The following TMPRSS15 variants were observed in gnomAD, a reference collection of about 807,000 sequenced individuals.
TMPRSS15 encodes the protein transmembrane serine protease 15, also known as enteropeptidase.
Under a neutral mutation model 125.3 loss-of-function variants are expected in TMPRSS15, and 128 were observed. The ratio of observed to expected loss-of-function variants is 1.02; its 90% CI spans 0.89 to 1.18. The LOEUF (loss-of-function observed/expected upper bound fraction) is 1.18. TMPRSS15 is among the 50% of genes most tolerant of loss of function. The probability of loss-of-function intolerance (pLI) is 0.00; values close to 1 mark genes in which losing one functional copy is unlikely to be tolerated. For synonymous variants in TMPRSS15, 446 were observed against 423.2 expected (o/e 1.05, Z -0.66); for missense variants, 1,283 against 1,212.7 (o/e 1.06, Z -0.86).
At chr21:18,417,959 A>G (rs892502788) in intron 1 of TMPRSS15, among the ~76,000 whole-genome samples, 3 of 152,188 alleles carry the variant, frequency 2.0e-5, no homozygotes, top group Admixed American at 2.0e-4. Context: ...TCTGTTTCAC[A>G]AGGAATTTGT....
At chr21:18,271,357 A>ATATC (rs762382183) in intron 24 of TMPRSS15, among the ~76,000 whole-genome samples, 4 of 152,292 alleles carry the variant, frequency 2.6e-5, no homozygotes, top group East Asian at 3.9e-4. Context: ...GTTTTTTTAC[A>ATATC]TATCTTCTAA....
chr21:18,364,589 AT>A (rs2075708326), intron 7 of TMPRSS15, among the ~76,000 whole-genome samples: 1 of 152,136 alleles, frequency 6.6e-6, no homozygotes. Context: ...CAGCCTAATT[AT>A]TTTGATTATC....
chr21:18,433,280 G>T (rs1311135356), intron 1 of TMPRSS15, among the ~76,000 whole-genome samples: 2 of 152,076 alleles, frequency 1.3e-5, no homozygotes, highest in Non-Finnish European at 2.9e-5. Flanking sequence ...CTCAGGAACA[G>T]CAAATTAAAA....
chr21:18,351,716 G>T (rs560491610), intron 10 of TMPRSS15, among the ~76,000 whole-genome samples: 2 of 152,142 alleles, frequency 1.3e-5, no homozygotes, highest in African/African-American at 4.8e-5. Context: ...CTTTATGGCA[G>T]TGTGAAAATG....
At chr21:18,343,798 T>C in intron 11 of TMPRSS15, 142 bp from the exon 12 acceptor site, 1 of 1,131,690 alleles carries the variant, frequency 8.8e-7, no homozygotes, top group South Asian at 1.3e-5. Context: ...TGGGGAGAGG[T>C]GTCTATCAAT....
intron 1 of TMPRSS15, among the ~76,000 whole-genome samples, chr21:18,484,888 A>C (rs1223036915): frequency 6.6e-6 from 1 of 151,804 alleles, no homozygotes; most frequent in Non-Finnish European, 1.5e-5. Flanking sequence ...AGGTTGCCTT[A>C]ACTGTCCTTA....
intron 1 of TMPRSS15, among the ~76,000 whole-genome samples, chr21:18,454,308 G>A (rs1371824466): frequency 1.3e-5 from 2 of 152,016 alleles, no homozygotes; most frequent in Non-Finnish European, 1.5e-5. Context: ...CTTCCATAAG[G>A]ATTCCAACTA....
intron 5 of TMPRSS15, among the ~76,000 whole-genome samples, chr21:18,374,479 C>CAAAAAAAAA (rs1165884199): frequency 3.3e-5 from 2 of 59,904 alleles, no homozygotes; most frequent in Non-Finnish European, 5.5e-5. Flanking sequence ...GACTCCGTCT[C>CAAAAAAAAA]AAAAAAAAAA....
chr21:18,321,420 T>C (rs1030642078), intron 16 of TMPRSS15, among the ~76,000 whole-genome samples: 7 of 141,924 alleles, frequency 4.9e-5, no homozygotes, highest in African/African-American at 1.9e-4. Flanking sequence ...TGGCGCGATC[T>C]CGGCTCACCG....
chr21:18,469,782 G>A (rs758453572), intron 1 of TMPRSS15, among the ~76,000 whole-genome samples: 3 of 152,040 alleles, frequency 2.0e-5, no homozygotes, highest in Non-Finnish European at 4.4e-5. Flanking sequence ...TATTTCTGTT[G>A]GCCATAAAAA....
At chr21:18,437,127 A>G (rs1460865270) in intron 1 of TMPRSS15, among the ~76,000 whole-genome samples, 8 of 148,556 alleles carry the variant, frequency 5.4e-5, no homozygotes, top group South Asian at 4.4e-4. Flanking sequence ...CAAAACAGAG[A>G]TATAGATCAA....
At chr21:18,313,391 C>T (rs894437702) in intron 17 of TMPRSS15, among the ~76,000 whole-genome samples, 1 of 151,080 alleles carries the variant, frequency 6.6e-6, no homozygotes, top group Non-Finnish European at 1.5e-5. Flanking sequence ...TATACACATT[C>T]TCTGTATATA....
intron 4 of TMPRSS15, chr21:18,380,508 G>A (rs1317908929): frequency 2.1e-6 from 1 of 469,502 alleles, no homozygotes; most frequent in East Asian, 7.0e-5. Context: ...TGATCACTAA[G>A]TTGTATTTTT....
intron 13 of TMPRSS15, among the ~76,000 whole-genome samples, chr21:18,339,504 A>C (rs1175626185): frequency 6.6e-6 from 1 of 152,170 alleles, no homozygotes; most frequent in Non-Finnish European, 1.5e-5. Context: ...TAGGCTCTCC[A>C]AACTGATTTG....
intron 6 of TMPRSS15, 136 bp from the exon 7 acceptor site, chr21:18,365,384 T>C (rs2147032436): frequency 2.6e-6 from 2 of 763,418 alleles, no homozygotes; most frequent in Middle Eastern, 2.3e-4. Context: ...TAAGATTTCA[T>C]GTTTGAAACC....
In TMPRSS15 at chr21:18,315,191, C is replaced by T. The variant is rs1464409157; in HGVS notation, c.1987G>A (p.Asp663Asn). The change falls in exon 17 of 25, where the codon GAC becomes AAC. Residue 663 changes from aspartate (D) to asparagine (N), a missense_variant. Coordinates refer to ENST00000284885, the MANE Select transcript of TMPRSS15 (RefSeq NM_002772.3). The stretch of plus-strand genomic sequence containing the variant: ...CCATCCTCACAGTGCAGATGACCGT[C>T]ACAGAGATTCACCAGTGGAACACAC... ...GECVPLVNLC[D>N]GHLHCEDGSD... 2.5e-6 allele frequency: 4 copies of T among 1,613,906 alleles called. No homozygotes were observed. In the South Asian group the frequency reaches 4.4e-5, roughly 18 times the overall value.
chr21:18,391,249 AAAAGTCC>A (rs1311645567), intron 3 of TMPRSS15, among the ~76,000 whole-genome samples: 2 of 152,226 alleles, frequency 1.3e-5, no homozygotes, highest in Non-Finnish European at 2.9e-5. Context: ...GCATTAATTC[AAAAGTCC>A]AAAGTCCAAA....
intron 6 of TMPRSS15, among the ~76,000 whole-genome samples, chr21:18,371,293 G>A (rs138068067): frequency 2.4e-4 from 37 of 152,220 alleles, no homozygotes; most frequent in African/African-American, 7.7e-4. Flanking sequence ...TCCATTTACT[G>A]TGTGTCCTGT....
At chr21:18,467,096 C>T (rs1346024845) in intron 1 of TMPRSS15, among the ~76,000 whole-genome samples, 1 of 152,122 alleles carries the variant, frequency 6.6e-6, no homozygotes, top group African/African-American at 2.4e-5. Context: ...AGGATGCGTT[C>T]ATGTCCTTTG....
Sources: allele counts gnomAD v4.1 joint callset (sites outside exome capture counted in the v4.1 genomes callset), GRCh38; gene constraint gnomAD v4.1.1; transcripts MANE v1.5; gene names NCBI Gene and HGNC (gene_info 2026-07-23, HGNC 2026-07-21).